The following TP63 variants were observed in gnomAD, a reference collection of about 807,000 sequenced individuals.
TP63 encodes tumor protein p63, also known as tumor protein 63.
In TP63, 17 loss-of-function variants were observed where a neutral mutation model predicts 82.8. That is an observed-to-expected ratio of 0.21 (90% CI 0.14 to 0.31). The LOEUF (loss-of-function observed/expected upper bound fraction) is 0.31. TP63 is among the 10% of genes least tolerant of loss of function. TP63 has a pLI of 1.00. For missense variants in TP63, 648 were observed against 895.3 expected (o/e 0.72, Z 3.52); for synonymous variants, 330 against 321.7 (o/e 1.03, Z -0.28).
chr3:189,631,683 G>GAA (rs1388991965), intron 1 of TP63, 106 bp downstream of exon 1: 1 of 1,597,626 alleles, frequency 6.3e-7, no homozygotes, highest in African/African-American at 1.3e-5. Flanking sequence ...TGTTTAGTCA[G>GAA]CACAGTGATA....
intron 4 of TP63, among the ~76,000 whole-genome samples, chr3:189,821,404 C>T (rs1728780419): frequency 6.6e-6 from 1 of 152,212 alleles, no homozygotes; most frequent in South Asian, 2.1e-4. Context: ...ATCTCCACCT[C>T]CTCCAGAGCC....
intron 1 of TP63, among the ~76,000 whole-genome samples, chr3:189,715,621 G>A (rs1383955884): frequency 3.9e-5 from 6 of 152,160 alleles, no homozygotes; most frequent in African/African-American, 1.4e-4. Context: ...CGTCTCTCTG[G>A]TGGTTTGGGA....
intron 1 of TP63, among the ~76,000 whole-genome samples, chr3:189,646,213 A>G (rs1212725467): frequency 6.8e-6 from 1 of 147,144 alleles, no homozygotes; most frequent in Non-Finnish European, 1.5e-5. Context: ...TCTGTATCTT[A>G]ACACAGTTAA....
chr3:189,858,030 T>C (rs1303812775), intron 4 of TP63, among the ~76,000 whole-genome samples: 1 of 152,238 alleles, frequency 6.6e-6, no homozygotes, highest in Non-Finnish European at 1.5e-5. Context: ...ATATCTTCAC[T>C]CCTGTTTATT....
At chr3:189,822,527 A>G (rs1728903405) in intron 4 of TP63, among the ~76,000 whole-genome samples, 1 of 152,168 alleles carries the variant, frequency 6.6e-6, no homozygotes, top group Non-Finnish European at 1.5e-5. Flanking sequence ...CCCCTCATTA[A>G]AAAGTCTTTA....
intron 3 of TP63, among the ~76,000 whole-genome samples, chr3:189,758,325 C>CTAA (rs1363618401): frequency 2.6e-5 from 4 of 152,194 alleles, no homozygotes; most frequent in African/African-American, 9.7e-5. Context: ...GGTCCAGTTC[C>CTAA]TAACAGGTCA....
intron 1 of TP63, among the ~76,000 whole-genome samples, chr3:189,730,808 A>G (rs562301870): frequency 6.6e-6 from 1 of 152,302 alleles, no homozygotes; most frequent in East Asian, 1.9e-4. Context: ...CCTTTGAGCC[A>G]GGAGATCTAG....
At position 189,631,464 on chromosome 3, in the gene TP63, A is replaced by T. The variant is rs1196555289; in HGVS notation, c.-52A>T. ...TCTATATATACACAGGTATATGTGT[A>T]TATTTTATATAATTGTTCTCCGTTC... On this transcript the variant is annotated 5_prime_UTR_variant, in exon 1 of 14. Coordinates refer to ENST00000264731, the MANE Select transcript of TP63 (RefSeq NM_003722.5). 6.2e-6 allele frequency: 10 copies of T among 1,610,604 alleles called. No homozygotes were observed. In the Admixed American group the frequency reaches 1.5e-4, roughly 24 times the overall value.
intron 3 of TP63, among the ~76,000 whole-genome samples, chr3:189,741,540 G>T (rs1403289940): frequency 6.6e-6 from 1 of 152,100 alleles, no homozygotes; most frequent in Non-Finnish European, 1.5e-5. Context: ...CCTAAAGTCT[G>T]CAAATAAACT....
At chr3:189,695,178 GA>G (rs1717277406) in intron 1 of TP63, among the ~76,000 whole-genome samples, 1 of 151,782 alleles carries the variant, frequency 6.6e-6, no homozygotes, top group South Asian at 2.1e-4. Context: ...TAATGTATCT[GA>G]ATATTTATTT....
intron 3 of TP63, among the ~76,000 whole-genome samples, chr3:189,792,336 A>C (rs1283049453): frequency 6.6e-6 from 1 of 152,052 alleles, no homozygotes; most frequent in Non-Finnish European, 1.5e-5. Flanking sequence ...AGCCTCTGGG[A>C]ATGGTCTCAG....
intron 3 of TP63, among the ~76,000 whole-genome samples, chr3:189,755,153 C>T (rs1202466159): frequency 2.0e-5 from 3 of 152,054 alleles, no homozygotes; most frequent in Non-Finnish European, 4.4e-5. Context: ...GTGGTGATAC[C>T]TTTATTGGTG....
intron 3 of TP63, among the ~76,000 whole-genome samples, chr3:189,753,430 GAA>G (rs1721964467): frequency 1.3e-5 from 2 of 151,770 alleles, no homozygotes; most frequent in South Asian, 2.1e-4. Context: ...GCTTTTTTCC[GAA>G]GTCTACTTTA....
chr3:189,774,154 T>C (rs939470344), intron 3 of TP63, among the ~76,000 whole-genome samples: 7 of 151,854 alleles, frequency 4.6e-5, no homozygotes, highest in African/African-American at 9.7e-5. Context: ...GATCTCCTGA[T>C]CTCGTGATCC....
intron 4 of TP63, among the ~76,000 whole-genome samples, chr3:189,826,803 C>T (rs1259008796): frequency 6.6e-6 from 1 of 152,118 alleles, no homozygotes; most frequent in East Asian, 1.9e-4. Context: ...TCCCAAGATG[C>T]GTTTGTTGAG....
the TP63 span, among the ~76,000 whole-genome samples, chr3:189,608,257 A>G: frequency 0.6 from 91,931 of 151,962 alleles, 28,830 homozygotes; most frequent in East Asian, 0.95. Flanking sequence ...GTATAACATC[A>G]GACTGAGTAA....
At position 189,871,792 on chromosome 3, in the gene TP63, G is replaced by A. The variant is rs768618733; in HGVS notation, c.1213-1067G>A. 1.0e-3 allele frequency among the ~76,000 whole-genome samples: 153 copies of A among 152,268 alleles called. 1 individual carries two copies. The highest frequency in any genetic ancestry group is 1.8e-3 in the Non-Finnish European group (120 of 68,014). ...GTTGGAGTGTAGTGGCAGGATCATG[G>A]TTCACTGCAGCCTCAGACTCCCAGA... On this transcript the variant is annotated intron_variant, in intron 9 of 13. Coordinates refer to ENST00000264731, the MANE Select transcript of TP63 (RefSeq NM_003722.5).
At chr3:189,728,486 AG>A (rs1267816642) in intron 1 of TP63, among the ~76,000 whole-genome samples, 2 of 152,208 alleles carry the variant, frequency 1.3e-5, no homozygotes, top group Non-Finnish European at 2.9e-5. Context: ...GCAAATGCAA[AG>A]AATATGACTT....
At chr3:189,797,537 T>C (rs1323280186) in intron 3 of TP63, among the ~76,000 whole-genome samples, 1 of 152,056 alleles carries the variant, frequency 6.6e-6, no homozygotes, top group Admixed American at 6.6e-5. Context: ...TTAGTGTCAC[T>C]CTATTGATGG....
Sources: allele counts gnomAD v4.1 joint callset (sites outside exome capture counted in the v4.1 genomes callset), GRCh38; gene constraint gnomAD v4.1.1; transcripts MANE v1.5; gene names NCBI Gene and HGNC (gene_info 2026-07-23, HGNC 2026-07-21).